Variants in RXRG observed in about 807,000 individuals in gnomAD.
RXRG encodes the protein retinoic acid receptor RXR-gamma.
In RXRG, 19 loss-of-function variants were observed where a neutral mutation model predicts 49.2. The observed-to-expected ratio is 0.39, with a 90% confidence interval of 0.27 to 0.57. The LOEUF (loss-of-function observed/expected upper bound fraction) is 0.57, where lower values mean the gene tolerates loss of function less well. Ranked by LOEUF, RXRG falls within the 20% of genes least tolerant of loss-of-function variation. RXRG has a pLI of 0.64. For missense variants in RXRG, 452 were observed against 592.5 expected, an observed-to-expected ratio of 0.76 and a Z score of 2.46; for synonymous variants, 224 against 216.6, an observed-to-expected ratio of 1.03 and a Z score of -0.30.
intron 1 of RXRG, among the ~76,000 whole-genome samples, chr1:165,439,775 T>C (rs971889534): frequency 1.3e-5 from 2 of 152,250 alleles, no homozygotes; most frequent in African/African-American, 2.4e-5. Context: ...TCGGTTAAAA[T>C]GTAAAGCTTT....
intron 2 of RXRG, among the ~76,000 whole-genome samples, chr1:165,423,936 T>C (rs942184446): frequency 2.6e-5 from 4 of 152,174 alleles, no homozygotes; most frequent in Non-Finnish European, 5.9e-5. Context: ...CTCAAGAGGA[T>C]AATAATTCAG....
chr1:165,437,229 A>G (rs1368521174), intron 1 of RXRG: 2 of 1,367,158 alleles, frequency 1.5e-6, no homozygotes, highest in Admixed American at 3.8e-5. Flanking sequence ...CCAGTCAGTC[A>G]GTCAGCCAGC....
At chr1:165,433,514 A>G (rs1340406374) in intron 1 of RXRG, among the ~76,000 whole-genome samples, 1 of 152,232 alleles carries the variant, frequency 6.6e-6, no homozygotes, top group Non-Finnish European at 1.5e-5. Flanking sequence ...TTGCTCAGGC[A>G]ATGATTTTAT....
intron 1 of RXRG, among the ~76,000 whole-genome samples, chr1:165,439,495 G>C (rs1658916451): frequency 6.6e-6 from 1 of 152,228 alleles, no homozygotes; most frequent in Non-Finnish European, 1.5e-5. Context: ...AACTGGGGTT[G>C]CGTGAAGCAT....
In RXRG at chr1:165,408,221, G is replaced by A. The variant is rs367994426; in HGVS notation, c.1138+6C>T. On this transcript the variant is annotated splice_donor_region_variant and intron_variant, in intron 8 of 9. Transcript: ENST00000359842. ...CACACATCCCCTGGGGTTGAAGGGC[G>A]GTTACCTGGGTTAAAGAGTACAATG... The A allele has an allele frequency of 4.2e-5, 67 of 1,609,824 alleles. No homozygotes were observed. Among genetic ancestry groups the A allele is most frequent in the South Asian group, 1.2e-4 (11 of 90,998 alleles).
intron 4 of RXRG, among the ~76,000 whole-genome samples, chr1:165,412,681 A>G: frequency 6.6e-6 from 1 of 152,058 alleles, no homozygotes; most frequent in South Asian, 2.1e-4. Context: ...ACAAATAGTT[A>G]TTTCCTCTTG....
intron 6 of RXRG, 152 bp from the exon 7 acceptor site, chr1:165,409,842 T>G: frequency 1.4e-6 from 1 of 714,000 alleles, no homozygotes; most frequent in Non-Finnish European, 2.0e-6. Flanking sequence ...CACAGTTCAT[T>G]AGCGAAGAAA....
At chr1:165,441,076 G>A (rs910038223) in intron 1 of RXRG, among the ~76,000 whole-genome samples, 3 of 152,168 alleles carry the variant, frequency 2.0e-5, no homozygotes, top group East Asian at 1.9e-4. Flanking sequence ...ATGTGCACAC[G>A]CACACATACA....
chr1:165,428,633 T>C, intron 2 of RXRG, 86 bp downstream of exon 2: 1 of 1,471,498 alleles, frequency 6.8e-7, no homozygotes, highest in Non-Finnish European at 9.2e-7. Context: ...ATTATGGACC[T>C]GCTGAGTGCT....
chr1:165,411,095 T>C lies in RXRG; in HGVS notation c.637A>G (p.Arg213Gly), dbSNP rs1328214302. The change falls in exon 5 of 10, where the codon AGA becomes GGA. Residue 213 changes from arginine to glycine, a missense_variant. Arg to Gly is a moderately radical substitution (Grantham distance 125). Around this residue, in one of 2 missense-constraint regions of RXRG, gnomAD observed 286 missense variants for 440.9 expected, o/e 0.65. Coordinates refer to ENST00000359842, the MANE Select transcript of RXRG (RefSeq NM_006917.5). ...GMKREAVQEE[R>G]QRSRERAESE... ...TCAGCTCGCTCTCGGCTCCTCTGTC[T>C]TTCTTCTTGCACAGCTGACATGCAG... The C allele has an allele frequency of 6.2e-7, 1 of 1,614,012 alleles. No individual in the cohort carries two copies. Among genetic ancestry groups the C allele is most frequent in the Non-Finnish European group, 8.5e-7 (1 of 1,179,958 alleles).
intron 9 of RXRG, among the ~76,000 whole-genome samples, chr1:165,405,243 GAA>G (rs1657708463): frequency 6.6e-6 from 1 of 152,138 alleles, no homozygotes; most frequent in African/African-American, 2.4e-5. Flanking sequence ...TCAAAAAATG[GAA>G]GATTTGATAG....
intron 1 of RXRG, among the ~76,000 whole-genome samples, chr1:165,434,315 A>G (rs530726042): frequency 1.0e-5 from 1 of 96,756 alleles, no homozygotes; most frequent in Admixed American, 1.0e-4. Context: ...TGTGTCAGAG[A>G]GAGAGACTTA....
At chr1:165,425,201 G>A (rs1203273977) in intron 2 of RXRG, among the ~76,000 whole-genome samples, 1 of 152,236 alleles carries the variant, frequency 6.6e-6, no homozygotes, top group East Asian at 1.9e-4. Context: ...TCAGACTTGA[G>A]TGTGGTTGCT....
At position 165,424,822 on chromosome 1, in the gene RXRG, G is replaced by T. The variant is rs1658431099; in HGVS notation, c.297+3897C>A. On this transcript the variant is annotated intron_variant, in intron 2 of 9. Transcript: ENST00000359842. ...CTCAGACCAGTCCTGGGTGAGGAAG[G>T]CAGGATGCATAGGAATAATCTGCCC... 1.5e-5 allele frequency: 15 copies of T among 985,352 alleles called. No individual in the cohort carries two copies. The South Asian group carries it at 6.1e-4, about 40-fold the overall frequency. The allele number at this position is 985,352 out of a possible 1,614,324, so 61.0% of individuals were successfully genotyped here. A position where few individuals can be genotyped will look rare whatever the true frequency, so the allele number is the denominator to read the frequency against.
intron 4 of RXRG, among the ~76,000 whole-genome samples, chr1:165,414,486 GA>G (rs1387833098): frequency 6.6e-6 from 1 of 152,190 alleles, no homozygotes; most frequent in Non-Finnish European, 1.5e-5. Context: ...TAACTCTAGA[GA>G]AATAGAAATG....
intron 1 of RXRG, among the ~76,000 whole-genome samples, chr1:165,440,302 G>T (rs1658942304): frequency 6.6e-6 from 1 of 152,164 alleles, no homozygotes. Flanking sequence ...CTGTATAATG[G>T]GGGTAATAAA....
chr1:165,418,481 A>G (rs1658205298), intron 3 of RXRG, among the ~76,000 whole-genome samples: 1 of 152,230 alleles, frequency 6.6e-6, no homozygotes, highest in Admixed American at 6.5e-5. Context: ...TGTTTTACTT[A>G]GGTTTCCAGC....
chr1:165,443,682 C>A (rs1363021849), intron 1 of RXRG, among the ~76,000 whole-genome samples: 1 of 152,110 alleles, frequency 6.6e-6, no homozygotes, highest in Non-Finnish European at 1.5e-5. Flanking sequence ...TAAAAACTAC[C>A]CTGAATGAAT....
intron 1 of RXRG, among the ~76,000 whole-genome samples, chr1:165,434,885 C>T (rs1469854421): frequency 6.6e-6 from 1 of 152,342 alleles, no homozygotes. Context: ...TGAGCAAGGT[C>T]GGCAGGAGAT....
Sources: allele counts gnomAD v4.1 joint callset (sites outside exome capture counted in the v4.1 genomes callset), GRCh38; gene constraint gnomAD v4.1.1; regional missense constraint gnomAD v4.1.1; transcripts MANE v1.5; gene names NCBI Gene and HGNC (gene_info 2026-07-23, HGNC 2026-07-21).